IRAG2: variants seen among roughly 807,000 people sequenced by gnomAD.
The protein encoded by IRAG2 is inositol 1,4,5-triphosphate receptor associated 2.
A neutral mutation model predicts 69.9 loss-of-function variants in IRAG2; 45 were observed. The observed-to-expected ratio is 0.64, with a 90% CI of 0.51 to 0.83. The LOEUF is 0.83. Among genes scored for constraint, IRAG2 ranks in the 40% least tolerant of loss-of-function variants. The probability of loss-of-function intolerance (pLI) is 0.00; values close to 1 mark genes in which losing one functional copy is unlikely to be tolerated. For missense variants in IRAG2, 520 were observed against 587.0 expected, an observed-to-expected ratio of 0.89 and a Z score of 1.18; for synonymous variants, 193 against 202.4, an observed-to-expected ratio of 0.95 and a Z score of 0.40.
At chr12:25,009,221 C>T (rs925881600) in intron 2 of IRAG2, among the ~76,000 whole-genome samples, 2 of 152,108 alleles carry the variant, frequency 1.3e-5, no homozygotes, top group Non-Finnish European at 2.9e-5. Context: ...TGGGAGGATG[C>T]CTTGAGCCAA....
chr12:25,086,059 G>A (rs1318132966), intron 10 of IRAG2, among the ~76,000 whole-genome samples: 1 of 152,130 alleles, frequency 6.6e-6, no homozygotes, highest in Non-Finnish European at 1.5e-5. Context: ...AGAATCTTCT[G>A]AGAGAATAAA....
chr12:25,016,145 G>C (rs1944525921), intron 5 of IRAG2, among the ~76,000 whole-genome samples: 1 of 150,802 alleles, frequency 6.6e-6, no homozygotes, highest in African/African-American at 2.4e-5. Context: ...GCAGTGAGCT[G>C]ATATCGTGCC....
At chr12:25,023,419 T>C (rs1944598473) in intron 7 of IRAG2, among the ~76,000 whole-genome samples, 1 of 152,146 alleles carries the variant, frequency 6.6e-6, no homozygotes, top group South Asian at 2.1e-4. Context: ...TTTTTTCTGA[T>C]GGTTCTGAAT....
chr12:25,008,815 T>A (rs34642683), intron 2 of IRAG2, among the ~76,000 whole-genome samples: 16,708 of 152,138 alleles, frequency 0.11, 1,137 homozygotes, highest in Non-Finnish European at 0.16. Context: ...TCCTTTTTTT[T>A]AAAAAAGTGA....
intron 2 of IRAG2, chr12:25,011,260 G>A (rs1224702077): frequency 2.1e-6 from 2 of 968,710 alleles, no homozygotes; most frequent in South Asian, 5.4e-5. Flanking sequence ...GACTGCCAGG[G>A]TTATATATCA....
chr12:25,016,656 T>C (rs1944531366), intron 5 of IRAG2, among the ~76,000 whole-genome samples: 1 of 151,542 alleles, frequency 6.6e-6, no homozygotes, highest in Non-Finnish European at 1.5e-5. Flanking sequence ...CCAGCTACTC[T>C]GGAGGCTGAG....
rs568387084 is a variant in IRAG2, at chr12:25,087,915, C to T, written c.316-185C>T. The stretch of plus-strand genomic sequence containing the variant: ...ACAGGTTCCTTCAGAAACTGTTTCC[C>T]CCTCACCTCACCCCCGTGGAAAAAC... On this transcript the variant is annotated intron_variant, in intron 10 of 21. Transcript: ENST00000556887. 1.9e-4 allele frequency among the ~76,000 whole-genome samples: 29 copies of T among 152,228 alleles called. No homozygotes were observed. In the South Asian group the frequency reaches 2.1e-3, roughly 11 times the overall value.
chr12:25,020,800 G>T, exon 7 of IRAG2: 2 of 1,230,754 alleles, frequency 1.6e-6, no homozygotes, highest in African/African-American at 3.1e-5. Flanking sequence ...TGCCCACCAG[G>T]CTATTATGAG....
In IRAG2 at chr12:25,108,183, A is replaced by G; in HGVS notation, c.*123A>G. 1.9e-6 allele frequency: 2 copies of G among 1,072,884 alleles called. No individual in the cohort carries two copies. Among genetic ancestry groups the G allele is most frequent in the Non-Finnish European group, 2.7e-6 (2 of 753,144 alleles). The allele number at this position is 1,072,884 out of a possible 1,614,324, so 66.5% of individuals were successfully genotyped here. ...CAGAGGTTCTCAGAATGACTGTAAGATAGCTTACATTTCCTCTTTTTGCCT... is the reference window on the plus strand; with the variant it reads ...CAGAGGTTCTCAGAATGACTGTAAGGTAGCTTACATTTCCTCTTTTTGCCT... On this transcript the variant is annotated 3_prime_UTR_variant, in exon 22 of 22. Coordinates refer to ENST00000556887, the MANE Select transcript of IRAG2 (RefSeq NM_001366544.2).
chr12:25,040,844 A>C (rs1632620), intron 16 of IRAG2, among the ~76,000 whole-genome samples: 120,402 of 152,012 alleles, frequency 0.79, 49,206 homozygotes, highest in South Asian at 0.89. Context: ...ACCCCAGATG[A>C]TAAGCAATTA....
At chr12:25,053,362 C>A (rs1263126412) in intron 1 of IRAG2, among the ~76,000 whole-genome samples, 3 of 151,364 alleles carry the variant, frequency 2.0e-5, no homozygotes, top group Admixed American at 6.6e-5. Flanking sequence ...AAAGGCCTTG[C>A]TCGTCTATTT....
At chr12:25,100,595 C>G (rs1370715477) in intron 15 of IRAG2, among the ~76,000 whole-genome samples, 1 of 152,112 alleles carries the variant, frequency 6.6e-6, no homozygotes, top group Non-Finnish European at 1.5e-5. Flanking sequence ...TGTTTGGAGG[C>G]TGGAAGGAGG....
chr12:25,065,435 A>G (rs1221065420), intron 4 of IRAG2, among the ~76,000 whole-genome samples: 1 of 152,210 alleles, frequency 6.6e-6, no homozygotes, highest in East Asian at 1.9e-4. Context: ...TATACTCAGA[A>G]ACACACATAA....
intron 15 of IRAG2, among the ~76,000 whole-genome samples, chr12:25,098,092 C>T (rs1948530404): frequency 6.6e-6 from 1 of 152,172 alleles, no homozygotes; most frequent in Non-Finnish European, 1.5e-5. Flanking sequence ...ACATAGTTTT[C>T]ACTACCTTGC....
intron 16 of IRAG2, among the ~76,000 whole-genome samples, chr12:25,040,804 G>A (rs1012739370): frequency 2.0e-5 from 3 of 152,132 alleles, no homozygotes; most frequent in East Asian, 3.9e-4. Flanking sequence ...CAGGATGTCC[G>A]CTCTTTGCCT....
chr12:25,077,231 T>TATATATATC (rs1946774841), intron 6 of IRAG2, among the ~76,000 whole-genome samples: 1 of 45,514 alleles, frequency 2.2e-5, no homozygotes, highest in African/African-American at 7.3e-5. Context: ...ATATATATGA[T>TATATATATC]ATATATATGA....
At chr12:25,066,055 C>A (rs1301795773) in intron 4 of IRAG2, among the ~76,000 whole-genome samples, 1 of 152,102 alleles carries the variant, frequency 6.6e-6, no homozygotes, top group African/African-American at 2.4e-5. Flanking sequence ...GCTTAGTGGG[C>A]AGGGGTTTTC....
chr12:25,050,296 C>T (rs1229145476), upstream of IRAG2, among the ~76,000 whole-genome samples: 1 of 151,384 alleles, frequency 6.6e-6, no homozygotes, highest in East Asian at 2.0e-4. Context: ...TTTCGGAGGC[C>T]GAGACAGGCG....
intron 1 of IRAG2, chr12:25,005,166 A>G (rs1944421348): frequency 9.3e-6 from 7 of 752,526 alleles, no homozygotes; most frequent in African/African-American, 1.8e-5. Flanking sequence ...TCTTTGTTAA[A>G]CCAAAAAAAA....
Sources: gnomAD v4.1 joint callset for allele counts (sites outside exome capture counted in the v4.1 genomes callset) on GRCh38, gnomAD v4.1.1 for gene constraint, MANE v1.5 for transcripts, NCBI Gene and HGNC (gene_info 2026-07-23, HGNC 2026-07-21) for gene names.